Variants in TIMP2 observed in about 807,000 individuals in gnomAD.
TIMP2 encodes the protein metalloproteinase inhibitor 2.
Under a neutral mutation model 24.3 loss-of-function variants are expected in TIMP2, and 5 were observed. That is an observed-to-expected ratio of 0.21 (90% CI 0.11 to 0.43). TIMP2 has a LOEUF of 0.43. Ranked by LOEUF, TIMP2 falls within the 20% of genes least tolerant of loss-of-function variation. The pLI, the probability that TIMP2 is intolerant of heterozygous loss-of-function variation, is 1.00. For missense variants in TIMP2, 221 were observed against 297.5 expected (o/e 0.74, Z 1.89); for synonymous variants, 130 against 123.2 (o/e 1.06, Z -0.37).
chr17:78,889,101 G>T (rs995086178), intron 1 of TIMP2, among the ~76,000 whole-genome samples: 7 of 152,172 alleles, frequency 4.6e-5, no homozygotes, highest in African/African-American at 1.7e-4. Context: ...TCTCATCTGT[G>T]GCTGCTTCTG....
intron 1 of TIMP2, among the ~76,000 whole-genome samples, chr17:78,913,569 G>T: frequency 6.6e-6 from 1 of 152,050 alleles, no homozygotes; most frequent in Non-Finnish European, 1.5e-5. Context: ...AAATTAGCTG[G>T]GTGTGCTGGT....
In TIMP2 at chr17:78,855,965, T is replaced by G; in HGVS notation, c.466-101A>C. ...TCCAGAACCCGGCAATGTGCCTACC[T>G]GTCATGTGCAGGGATGGCAGCCTCT... On this transcript the variant is annotated intron_variant, in intron 4 of 4. Coordinates refer to ENST00000262768, the MANE Select transcript of TIMP2 (RefSeq NM_003255.5). This position sits in a 1 kb window ranked among gnomAD's most constrained non-coding sequence, Gnocchi z 6.0. 5 of 1,231,728 alleles carry G rather than the reference T, an allele frequency of 4.1e-6. No homozygotes were observed. In the South Asian group the frequency reaches 6.2e-5, roughly 15 times the overall value. 76.3% of individuals were successfully genotyped at this position (1,231,728 alleles called of 1,614,324 possible).
chr17:78,906,365 CT>C (rs2070158700), intron 1 of TIMP2, among the ~76,000 whole-genome samples: 1 of 151,320 alleles, frequency 6.6e-6, no homozygotes, highest in South Asian at 2.1e-4. Flanking sequence ...AAGGTCCTGC[CT>C]CAAAAAAAAG....
At chr17:78,914,172 G>A (rs1339167091) in intron 1 of TIMP2, among the ~76,000 whole-genome samples, 1 of 152,154 alleles carries the variant, frequency 6.6e-6, no homozygotes, top group Non-Finnish European at 1.5e-5. Context: ...TTCCCCTTGA[G>A]TCCTCAGAGG....
Position 78,920,444 on chromosome 17 carries a change from G to A in TIMP2, c.130+4515C>T, listed in dbSNP as rs941481898. On this transcript the variant is annotated intron_variant, in intron 1 of 4. Coordinates refer to ENST00000262768, the MANE Select transcript of TIMP2 (RefSeq NM_003255.5). The surrounding 1 kb of genome is among the most constrained non-coding windows in gnomAD (Gnocchi z 4.5). ...GATAGGGAGAAACGTGTGTTGTCCA[G>A]AGAGCTCCTTCCAGCACCTGCCATA... Among the ~76,000 whole-genome samples, 6 of 152,104 alleles carry A rather than the reference G, an allele frequency of 3.9e-5. No individual in the cohort carries two copies. The highest frequency in any genetic ancestry group is 8.8e-5 in the Non-Finnish European group (6 of 68,012).
intron 1 of TIMP2, among the ~76,000 whole-genome samples, chr17:78,921,757 A>G (rs977589202): frequency 4.6e-5 from 7 of 152,176 alleles, no homozygotes; most frequent in Admixed American, 4.6e-4. Context: ...AAATCAGGTC[A>G]CCTCTTACCA....
intron 3 of TIMP2, among the ~76,000 whole-genome samples, chr17:78,868,548 G>T (rs1197825556): frequency 6.6e-6 from 1 of 152,140 alleles, no homozygotes; most frequent in Non-Finnish European, 1.5e-5. Flanking sequence ...ACTGCACCAG[G>T]CCTTGTCTAT....
chr17:78,879,416 A>AGAGACATAAGGAATCTGGG (rs2069758647), intron 1 of TIMP2, among the ~76,000 whole-genome samples: 1 of 152,224 alleles, frequency 6.6e-6, no homozygotes, highest in Non-Finnish European at 1.5e-5. Flanking sequence ...GGGAAAGCGA[A>AGAGACATAAGGAATCTGGG]GAGACATAAG....
At chr17:78,890,501 C>T (rs755657125) in intron 1 of TIMP2, 74 of 1,044,590 alleles carry the variant, frequency 7.1e-5, no homozygotes, top group Admixed American at 8.6e-5. Flanking sequence ...CCACTGCACC[C>T]GGCCCCAGAT....
chr17:78,870,862 T>G, intron 3 of TIMP2, 36 bp downstream of exon 3: 1 of 1,581,050 alleles, frequency 6.3e-7, no homozygotes, highest in Non-Finnish European at 8.7e-7. Context: ...CCCACTTCTG[T>G]GCCAGCCTCC....
intron 1 of TIMP2, among the ~76,000 whole-genome samples, chr17:78,881,128 C>A (rs1222980704): frequency 2.0e-5 from 3 of 152,248 alleles, no homozygotes; most frequent in African/African-American, 7.2e-5. Flanking sequence ...ATCATCTGCA[C>A]CTTGTGTGCA....
At position 78,891,761 on chromosome 17, in the gene TIMP2, G is replaced by T; in HGVS notation, c.131-17842C>A. 1.9e-6 allele frequency: 3 copies of T among 1,551,104 alleles called. No homozygotes were observed. Among genetic ancestry groups the T allele is most frequent in the South Asian group, 2.4e-5 (2 of 84,058 alleles). On this transcript the variant is annotated intron_variant, in intron 1 of 4. Transcript: ENST00000262768. This position sits in a 1 kb window ranked among gnomAD's most constrained non-coding sequence, Gnocchi z 4.5. ...GAGTGGGTTTGACCTTTCTAGGTCC[G>T]CCCCTTTGCTCCTCCGAGGATGGAT...
chr17:78,924,961 A>C lies in TIMP2; in HGVS notation c.128T>G (p.Val43Gly). The change falls in exon 1 of 5, where the codon GTA (valine) becomes GGA (glycine). Residue 43 changes from valine (V) to glycine (G), a missense_variant and splice_region_variant. Coordinates refer to ENST00000262768, the MANE Select transcript of TIMP2 (RefSeq NM_003255.5). This position sits in a 1 kb window ranked among gnomAD's most constrained non-coding sequence, Gnocchi z 5.3. Reference sequence around the variant, plus strand: ...GGGCTGGGGTCGCCGCTCCTTACCTACATCTGCATTGCAAAACGCCTGTTG... The same window carrying C: ...GGGCTGGGGTCGCCGCTCCTTACCTCCATCTGCATTGCAAAACGCCTGTTG... ...HPQQAFCNAD[V>G]VIRAKAVSEK... 1 of 1,285,526 alleles carries C rather than the reference A, an allele frequency of 7.8e-7. No individual in the cohort carries two copies. Among genetic ancestry groups the C allele is most frequent in the Non-Finnish European group, 9.9e-7 (1 of 1,006,638 alleles). The allele number at this position is 1,285,526 out of a possible 1,614,324, so 79.6% of individuals were successfully genotyped here. A position where few individuals can be genotyped will look rare whatever the true frequency, so the allele number is the denominator to read the frequency against.
chr17:78,883,851 G>A (rs1396285103), intron 1 of TIMP2, among the ~76,000 whole-genome samples: 1 of 152,212 alleles, frequency 6.6e-6, no homozygotes, highest in East Asian at 1.9e-4. Flanking sequence ...TCCCTCTGCA[G>A]CTCTGGGAGG....
chr17:78,921,406 T>G (rs567496324), intron 1 of TIMP2, among the ~76,000 whole-genome samples: 1 of 152,308 alleles, frequency 6.6e-6, no homozygotes, highest in Non-Finnish European at 1.5e-5. Flanking sequence ...TGGCCTTAGG[T>G]ACTGCCACCC....
chr17:78,860,848 C>T (rs551920411), intron 3 of TIMP2, among the ~76,000 whole-genome samples: 49 of 152,052 alleles, frequency 3.2e-4, no homozygotes, highest in African/African-American at 1.2e-3. Flanking sequence ...CCAACCTGGC[C>T]AACACGGTGA....
intron 1 of TIMP2, among the ~76,000 whole-genome samples, chr17:78,913,065 T>C (rs571389863): frequency 1.3e-4 from 19 of 151,974 alleles, no homozygotes; most frequent in Non-Finnish European, 2.5e-4. Context: ...ATTAGCCGGG[T>C]GTGGTGGCAA....
intron 3 of TIMP2, among the ~76,000 whole-genome samples, chr17:78,867,395 C>G (rs1034445739): frequency 6.6e-6 from 1 of 152,136 alleles, no homozygotes; most frequent in Non-Finnish European, 1.5e-5. Flanking sequence ...AAAGCAGGAG[C>G]TGTGAGCATG....
chr17:78,912,985 A>G (rs1035488773), intron 1 of TIMP2, among the ~76,000 whole-genome samples: 1 of 151,476 alleles, frequency 6.6e-6, no homozygotes, highest in African/African-American at 2.4e-5. Flanking sequence ...CGGGCAGATC[A>G]CCTGAGGTTG....
Sources: allele counts gnomAD v4.1 joint callset (sites outside exome capture counted in the v4.1 genomes callset), GRCh38; gene constraint gnomAD v4.1.1; non-coding constraint Gnocchi (gnomAD v3.1); transcripts MANE v1.5; gene names NCBI Gene and HGNC (gene_info 2026-07-23, HGNC 2026-07-21).